MID1: variants seen among roughly 807,000 people sequenced by gnomAD.
The protein encoded by MID1 is midline 1, also known as E3 ubiquitin-protein ligase Midline-1.
A neutral mutation model predicts 40.4 loss-of-function variants in MID1; 7 were observed. The observed-to-expected ratio is 0.17, with a 90% CI of 0.10 to 0.33. The LOEUF (loss-of-function observed/expected upper bound fraction) is 0.33, where lower values mean the gene tolerates loss of function less well. Among genes scored for constraint, MID1 ranks in the 10% least tolerant of loss-of-function variants. The probability of loss-of-function intolerance (pLI) is 1.00; values close to 1 mark genes in which losing one functional copy is unlikely to be tolerated. For synonymous variants in MID1, 229 were observed against 221.2 expected, an observed-to-expected ratio of 1.04 and a Z score of -0.31; for missense variants, 367 against 558.5, an observed-to-expected ratio of 0.66 and a Z score of 3.46.
intron 1 of MID1, among the ~76,000 whole-genome samples, chrX:10,648,311 TTG>T (rs1936282315): frequency 8.9e-6 from 1 of 111,791 alleles, no homozygotes; most frequent in Admixed American, 9.5e-5. Context: ...GTGTTTGAAT[TTG>T]TGTGTCTCTC....
chrX:10,821,570 A>G (rs1417297612), intron 1 of MID1, among the ~76,000 whole-genome samples: 1 of 111,934 alleles, frequency 8.9e-6, no homozygotes, highest in Non-Finnish European at 1.9e-5. Context: ...CTAATTGCCC[A>G]CTTTCACTTT....
intron 2 of MID1, among the ~76,000 whole-genome samples, chrX:10,566,677 T>A (rs1934565711): frequency 9.0e-6 from 1 of 110,901 alleles, no homozygotes; most frequent in Non-Finnish European, 1.9e-5. Flanking sequence ...GCCCTCACCT[T>A]GACAACGCTA....
At chrX:10,716,593 G>A (rs1320632623) in intron 1 of MID1, among the ~76,000 whole-genome samples, 1 of 111,964 alleles carries the variant, frequency 8.9e-6, no homozygotes, top group Non-Finnish European at 1.9e-5. Context: ...GTGACGGGGA[G>A]AATGGAACCA....
chrX:10,814,516 G>C (rs979982958), intron 1 of MID1, among the ~76,000 whole-genome samples: 1 of 110,107 alleles, frequency 9.1e-6, no homozygotes, highest in Non-Finnish European at 1.9e-5. Flanking sequence ...TCCCCCTATG[G>C]TAACATTTTG....
intron 1 of MID1, among the ~76,000 whole-genome samples, chrX:10,671,432 T>C (rs1233475537): frequency 1.8e-5 from 2 of 112,041 alleles, no homozygotes; most frequent in African/African-American, 6.5e-5. Flanking sequence ...GATATGAAAA[T>C]TAAATGTAGT....
At chrX:10,640,810 A>G (rs1290929490) in intron 1 of MID1, among the ~76,000 whole-genome samples, 1 of 111,469 alleles carries the variant, frequency 9.0e-6, no homozygotes, top group Non-Finnish European at 1.9e-5. Context: ...ATTATAACAA[A>G]CTGTCTCTCA....
intron 1 of MID1, among the ~76,000 whole-genome samples, chrX:10,614,347 G>A (rs2147537555): frequency 8.9e-6 from 1 of 111,956 alleles, no homozygotes; most frequent in South Asian, 3.7e-4. Flanking sequence ...AGAAGTTCAG[G>A]CAGGTTGCTG....
chrX:10,531,334 G>T (rs148435356), intron 2 of MID1, among the ~76,000 whole-genome samples: 1 of 111,976 alleles, frequency 8.9e-6, no homozygotes, highest in Admixed American at 9.4e-5. Context: ...GGTTTGACTC[G>T]ACAGACCGCA....
chrX:10,808,474 T>C (rs2044063700), intron 1 of MID1, among the ~76,000 whole-genome samples: 1 of 110,719 alleles, frequency 9.0e-6, no homozygotes. Flanking sequence ...CTCCTTTCTA[T>C]GGCAACCCCT....
chrX:10,704,385 G>A (rs2043212140), intron 1 of MID1, among the ~76,000 whole-genome samples: 1 of 110,285 alleles, frequency 9.1e-6, no homozygotes, highest in South Asian at 3.9e-4. Context: ...AGGGACTACT[G>A]CGTTGCTACT....
At chrX:10,564,329 T>C (rs777398265) in intron 2 of MID1, among the ~76,000 whole-genome samples, 3 of 112,573 alleles carry the variant, frequency 2.7e-5, no homozygotes, top group Non-Finnish European at 5.6e-5. Flanking sequence ...AGGATGTACA[T>C]ATGTTCATAA....
At chrX:10,651,340 C>G (rs943496751) in intron 1 of MID1, among the ~76,000 whole-genome samples, 18 of 111,958 alleles carry the variant, frequency 1.6e-4, no homozygotes, top group African/African-American at 5.5e-4. Flanking sequence ...TATAGACTAT[C>G]AGGGTAACCA....
chrX:10,592,274 TAAAAAAAAAAAAAAAAA>T (rs144661774), intron 1 of MID1, among the ~76,000 whole-genome samples: 4 of 28,233 alleles, frequency 1.4e-4, no homozygotes, highest in Non-Finnish European at 2.4e-4. Context: ...GGGACTGCGT[TAAAAAAAAAAAAAAAAA>T]AAAAAAAAAA....
chrX:10,644,613 A>T (rs922954366), intron 1 of MID1, among the ~76,000 whole-genome samples: 2 of 111,320 alleles, frequency 1.8e-5, no homozygotes, highest in African/African-American at 6.5e-5. Context: ...TCCTAGTTAG[A>T]ACAGACCTCG....
intron 1 of MID1, among the ~76,000 whole-genome samples, chrX:10,682,694 T>A (rs377341625): frequency 1.2e-4 from 13 of 111,682 alleles, no homozygotes; most frequent in African/African-American, 4.2e-4. Flanking sequence ...AAAAGCATGG[T>A]GTTCATGTAA....
At chrX:10,588,611 T>C (rs955095804) in intron 1 of MID1, among the ~76,000 whole-genome samples, 1 of 111,205 alleles carries the variant, frequency 9.0e-6, no homozygotes, top group African/African-American at 3.3e-5. Flanking sequence ...CTTTCTCTCT[T>C]TGACTTTCTG....
chrX:10,641,203 ACT>A (rs1239777154), intron 1 of MID1, among the ~76,000 whole-genome samples: 1 of 111,961 alleles, frequency 8.9e-6, no homozygotes, highest in Non-Finnish European at 1.9e-5. Flanking sequence ...ACACAAAAAA[ACT>A]CTTCAAAAAA....
intron 9 of MID1, among the ~76,000 whole-genome samples, chrX:10,453,340 TA>T (rs1240192384): frequency 2.7e-5 from 3 of 111,955 alleles, no homozygotes; most frequent in African/African-American, 9.8e-5. Context: ...AAGGTTTTTT[TA>T]TATATAAATA....
At chrX:10,551,035 C>T (rs1262125629) in intron 2 of MID1, among the ~76,000 whole-genome samples, 3 of 111,610 alleles carry the variant, frequency 2.7e-5, no homozygotes, top group Non-Finnish European at 5.6e-5. Context: ...TCCACAGATG[C>T]TCAGGTCCCT....
Sources: gnomAD v4.1 joint callset for allele counts (sites outside exome capture counted in the v4.1 genomes callset) on GRCh38, gnomAD v4.1.1 for gene constraint, MANE v1.5 for transcripts, NCBI Gene and HGNC (gene_info 2026-07-23, HGNC 2026-07-21) for gene names.